The following PLA1A variants were observed in gnomAD, a reference collection of about 807,000 sequenced individuals.
PLA1A encodes the protein phospholipase A1 member A, also known as phosphatidylserine-specific phospholipase A1alpha.
PLA1A carries 47 observed loss-of-function variants against 49.4 expected under a neutral mutation model. The observed-to-expected ratio is 0.95, with a 90% confidence interval of 0.75 to 1.21. The LOEUF is 1.21. PLA1A is among the 50% of genes most tolerant of loss of function. The pLI is 0.00. For synonymous variants in PLA1A, 224 were observed against 207.9 expected (o/e 1.08, Z -0.67); for missense variants, 561 against 563.9 (o/e 0.99, Z 0.05).
intron 8 of PLA1A, among the ~76,000 whole-genome samples, chr3:119,620,618 A>G (rs551927431): frequency 1.1e-4 from 17 of 152,350 alleles, no homozygotes; most frequent in African/African-American, 4.1e-4. Flanking sequence ...TTGTGAGTAT[A>G]AAATAAAATG....
chr3:119,621,832 C>T (rs746214907), intron 8 of PLA1A, among the ~76,000 whole-genome samples: 5 of 152,138 alleles, frequency 3.3e-5, no homozygotes, highest in Admixed American at 6.5e-5. Flanking sequence ...CTGTGTTGTA[C>T]GACATGAGAC....
chr3:119,618,610 G>A (rs896231565), intron 7 of PLA1A, among the ~76,000 whole-genome samples: 4 of 152,200 alleles, frequency 2.6e-5, no homozygotes, highest in African/African-American at 4.8e-5. Flanking sequence ...TGGTGGCCTC[G>A]TGAGAGCTGG....
chr3:119,618,012 T>C lies in PLA1A; in HGVS notation c.755-7T>C, dbSNP rs939338424. 1.9e-6 allele frequency: 3 copies of C among 1,590,512 alleles called. No individual in the cohort carries two copies. The highest frequency in any genetic ancestry group is 2.7e-5 in the African/African-American group (2 of 73,846). Reference sequence around the variant, plus strand: ...TGAAACCTTGGTTGTGTTTTTTCTCTGTTCAGGTTATAGTTATCTGATCTG... The same window carrying C: ...TGAAACCTTGGTTGTGTTTTTTCTCCGTTCAGGTTATAGTTATCTGATCTG... On this transcript the variant is annotated splice_region_variant and splice_polypyrimidine_tract_variant and intron_variant, in intron 6 of 10. Coordinates refer to ENST00000273371, the MANE Select transcript of PLA1A (RefSeq NM_015900.4).
intron 8 of PLA1A, among the ~76,000 whole-genome samples, chr3:119,623,320 G>GT (rs1418687039): frequency 2.6e-5 from 4 of 151,446 alleles, no homozygotes; most frequent in Non-Finnish European, 2.9e-5. Flanking sequence ...TTTTGTTTTT[G>GT]TTTTTTTGTA....
rs5852211 is a variant in PLA1A at position 119,608,202 on chromosome 3, AAAAGAAAGAAAG to A, written c.276-554_276-543del. Among the ~76,000 whole-genome samples, 1,054 of 116,584 alleles carry A rather than the reference AAAAGAAAGAAAG, an allele frequency of 9.0e-3. 18 individuals carry two copies. The highest frequency in any genetic ancestry group is 0.036 in the African/African-American group (965 of 26,668). The allele number at this position is 116,584 out of a possible 152,430, so 76.5% of individuals were successfully genotyped here. On this transcript the variant is annotated intron_variant, in intron 2 of 10. Coordinates refer to ENST00000273371, the MANE Select transcript of PLA1A (RefSeq NM_015900.4). ...AGAAAGAGAAAGGAAGAAAGGAAAG[AAAAGAAAGAAAG>A]AAAGAAAGAAAGAGAGAGAAAGAAA...
At chr3:119,606,185 A>G (rs527670889) in intron 1 of PLA1A, among the ~76,000 whole-genome samples, 1 of 152,326 alleles carries the variant, frequency 6.6e-6, no homozygotes, top group Non-Finnish European at 1.5e-5. Context: ...ACAATTCTGG[A>G]GGCTGGAAGT....
At chr3:119,628,074 A>C (rs1363124226) in intron 9 of PLA1A, among the ~76,000 whole-genome samples, 1 of 152,244 alleles carries the variant, frequency 6.6e-6, no homozygotes, top group Non-Finnish European at 1.5e-5. Flanking sequence ...GAGTCTCCTC[A>C]GCTGAAGTCA....
Position 119,609,521 on chromosome 3 carries a change from C to G in PLA1A, c.507C>G (p.Ala169=). Residue 169 remains alanine (A), a synonymous_variant, in exon 4 of 11, where the codon GCC becomes GCG. Transcript: ENST00000273371. ...SIHIIGVSLG[A]HVGGMVGQLF... is the part of the protein sequence containing the mutation. ...ACATCATTGGTGTTAGCCTGGGGGCCCACGTTGGGGGCATGGTGGGACAGC... is the reference window on the plus strand; with the variant it reads ...ACATCATTGGTGTTAGCCTGGGGGCGCACGTTGGGGGCATGGTGGGACAGC... 6.2e-7 allele frequency: 1 copy of G among 1,613,444 alleles called. No individual in the cohort carries two copies. Among genetic ancestry groups the G allele is most frequent in the South Asian group, 1.1e-5 (1 of 91,066 alleles).
At chr3:119,606,047 C>T (rs1159509955) in intron 1 of PLA1A, among the ~76,000 whole-genome samples, 1 of 152,198 alleles carries the variant, frequency 6.6e-6, no homozygotes, top group Non-Finnish European at 1.5e-5. Flanking sequence ...TAGACTGAGG[C>T]TAGTCCGCAG....
At chr3:119,619,430 G>A (rs756499378) in intron 7 of PLA1A, 133 bp from the exon 8 acceptor site, 8 of 701,968 alleles carry the variant, frequency 1.1e-5, no homozygotes, top group Non-Finnish European at 2.1e-5. Context: ...TTAGAATACA[G>A]CACATAGTGC....
In PLA1A at chr3:119,616,031, C is replaced by A; in HGVS notation, c.684C>A (p.Pro228=). ...TDTDNLGIRI[P]VGHVDYFVNG... ...TTTCAGATTTGGGTATTCGGATTCC[C>A]GTTGGACATGTGGACTACTTCGTCA... The change falls in exon 6 of 11, where the codon CCC becomes CCA. Residue 228 remains proline, a synonymous_variant. Transcript: ENST00000273371. The A allele has an allele frequency of 1.9e-6, 3 of 1,612,054 alleles. No individual in the cohort carries two copies. The highest frequency in any genetic ancestry group is 2.5e-6 in the Non-Finnish European group (3 of 1,178,232).
Position 119,627,422 on chromosome 3 carries a change from C to A in PLA1A, c.1122-1279C>A, listed in dbSNP as rs187652570. 2.0e-5 allele frequency among the ~76,000 whole-genome samples: 3 copies of A among 152,214 alleles called. No individual in the cohort carries two copies. The East Asian group carries it at 5.8e-4, about 29-fold the overall frequency. On this transcript the variant is annotated intron_variant, in intron 9 of 10. Transcript: ENST00000273371. ...CTTAAAGGAAACAATCTTATTTATT[C>A]CCTCTGTAATATTTCAAAAGACTTG... is the stretch of plus-strand genomic sequence containing the variant.
At chr3:119,611,001 A>G (rs930725360) in intron 4 of PLA1A, among the ~76,000 whole-genome samples, 11 of 152,168 alleles carry the variant, frequency 7.2e-5, no homozygotes, top group African/African-American at 2.7e-4. Context: ...GGTGAGAGGT[A>G]GGGGTCCAGT....
intron 8 of PLA1A, chr3:119,620,325 T>C: frequency 3.0e-6 from 1 of 329,928 alleles, no homozygotes; most frequent in South Asian, 2.4e-5. Context: ...TATGCCGGCT[T>C]GGATGATAAA....
intron 3 of PLA1A, 115 bp downstream of exon 3, chr3:119,609,062 G>A: frequency 1.3e-6 from 1 of 773,410 alleles, no homozygotes; most frequent in East Asian, 2.6e-5. Flanking sequence ...CAGGTAGCTC[G>A]GTGGTCTTGG....
intron 4 of PLA1A, among the ~76,000 whole-genome samples, chr3:119,611,463 C>T (rs751665209): frequency 6.6e-6 from 1 of 152,052 alleles, no homozygotes; most frequent in Non-Finnish European, 1.5e-5. Context: ...ATACTGAATA[C>T]TTTGGCAAAT....
At chr3:119,612,945 G>A (rs1005736432) in intron 4 of PLA1A, 72 bp from the exon 5 acceptor site, 5 of 943,778 alleles carry the variant, frequency 5.3e-6, no homozygotes, top group Non-Finnish European at 8.1e-6. Flanking sequence ...GGAAGGGTGG[G>A]TGTGTGGTGG....
chr3:119,607,812 G>A (rs2107781079), intron 2 of PLA1A, among the ~76,000 whole-genome samples: 1 of 152,240 alleles, frequency 6.6e-6, no homozygotes, highest in East Asian at 1.9e-4. Context: ...TAGAGGTGGA[G>A]AGCTCATCAG....
chr3:119,629,377 C>T lies in PLA1A; in HGVS notation c.1287-7C>T. 1 of 1,578,530 alleles carries T rather than the reference C, an allele frequency of 6.3e-7. No individual in the cohort carries two copies. The highest frequency in any genetic ancestry group is 8.7e-7 in the Non-Finnish European group (1 of 1,147,634). ...GCCACTGCTCTCTTATTGCTCTTCTCTTCCAGAGAAAAGATGGTCTGCTTA... is the reference window on the plus strand; with the variant it reads ...GCCACTGCTCTCTTATTGCTCTTCTTTTCCAGAGAAAAGATGGTCTGCTTA... On this transcript the variant is annotated splice_polypyrimidine_tract_variant and splice_region_variant and intron_variant, in intron 10 of 10. Transcript: ENST00000273371.
Sources: allele counts gnomAD v4.1 joint callset (sites outside exome capture counted in the v4.1 genomes callset), GRCh38; gene constraint gnomAD v4.1.1; transcripts MANE v1.5; gene names NCBI Gene and HGNC (gene_info 2026-07-23, HGNC 2026-07-21).